ZFAND3: variants seen among roughly 807,000 people sequenced by gnomAD.
ZFAND3 encodes zinc finger AN1-type containing 3.
In ZFAND3, 10 loss-of-function variants were observed where a neutral mutation model predicts 29.6. The ratio of observed to expected loss-of-function variants is 0.34; its 90% CI spans 0.21 to 0.57. The LOEUF is 0.57. ZFAND3 is among the 20% of genes least tolerant of loss of function. The probability of loss-of-function intolerance (pLI) is 0.86; values close to 1 mark genes in which losing one functional copy is unlikely to be tolerated. For missense variants in ZFAND3, 230 were observed against 304.5 expected, an observed-to-expected ratio of 0.76 and a Z score of 1.82; for synonymous variants, 128 against 112.6, an observed-to-expected ratio of 1.14 and a Z score of -0.87.
intron 4 of ZFAND3, among the ~76,000 whole-genome samples, chr6:38,099,646 A>G (rs1333826198): frequency 6.6e-6 from 1 of 152,238 alleles, no homozygotes; most frequent in African/African-American, 2.4e-5. Flanking sequence ...AAGCAAGAAA[A>G]TAGGGCATTT....
intron 1 of ZFAND3, among the ~76,000 whole-genome samples, chr6:37,820,636 A>T (rs140784315): frequency 4.6e-5 from 7 of 152,350 alleles, no homozygotes; most frequent in Non-Finnish European, 7.3e-5. Flanking sequence ...TTCAGGAGAT[A>T]TGTAAAATTT....
At chr6:38,119,248 G>A (rs1326329254) in intron 5 of ZFAND3, among the ~76,000 whole-genome samples, 1 of 152,070 alleles carries the variant, frequency 6.6e-6, no homozygotes, top group Non-Finnish European at 1.5e-5. Context: ...GATCTCTCTA[G>A]GAAAGGGTGA....
In ZFAND3 at chr6:37,927,477, A is replaced by G. The variant is rs541253738; in HGVS notation, c.72-2482A>G. On this transcript the variant is annotated intron_variant, in intron 1 of 5. Transcript: ENST00000287218. Reference sequence around the variant, plus strand: ...GATGAGAGGGGAGGGGACAATCCCAATATTCCAACAATAGAGAATGTTCTG... The same window carrying G: ...GATGAGAGGGGAGGGGACAATCCCAGTATTCCAACAATAGAGAATGTTCTG... Among the ~76,000 whole-genome samples the G allele has an allele frequency of 3.3e-5, 5 of 152,340 alleles. No homozygotes were observed. The East Asian group carries it at 9.6e-4, about 29-fold the overall frequency.
chr6:38,132,023 C>G (rs1280162452), intron 5 of ZFAND3, among the ~76,000 whole-genome samples: 1 of 152,196 alleles, frequency 6.6e-6, no homozygotes, highest in East Asian at 1.9e-4. Context: ...GTTTCCCCCC[C>G]ACCAATTTTT....
chr6:37,848,755 G>A (rs977276493), intron 1 of ZFAND3, among the ~76,000 whole-genome samples: 2 of 151,952 alleles, frequency 1.3e-5, no homozygotes, highest in Non-Finnish European at 2.9e-5. Flanking sequence ...AACTTGGGAG[G>A]GTTGTGTTTG....
Position 37,983,461 on chromosome 6 carries a change from A to G in ZFAND3, c.112+53462A>G, listed in dbSNP as rs184544077. Among the ~76,000 whole-genome samples the G allele has an allele frequency of 3.1e-3, 414 of 131,510 alleles. 4 individuals are homozygous for G. The Admixed American group carries it at 0.034, about 11-fold the overall frequency. The allele number at this position is 131,510 out of a possible 152,430, so 86.3% of individuals were successfully genotyped here. A position where few individuals can be genotyped will look rare whatever the true frequency, so the allele number is the denominator to read the frequency against. On this transcript the variant is annotated intron_variant, in intron 2 of 5. Transcript: ENST00000287218. Reference sequence around the variant, plus strand: ...AACCACTGCCTCCCGGGTTCAAGCTATTCTCCTCCTGCCTCAGCCTCCCAG... The same window carrying G: ...AACCACTGCCTCCCGGGTTCAAGCTGTTCTCCTCCTGCCTCAGCCTCCCAG...
chr6:37,981,815 T>G (rs2127432564), intron 2 of ZFAND3, among the ~76,000 whole-genome samples: 1 of 152,262 alleles, frequency 6.6e-6, no homozygotes, highest in African/African-American at 2.4e-5. Context: ...TACAAAGCCT[T>G]GGAAGGTCCT....
At chr6:37,913,850 A>G (rs1003360781) in intron 1 of ZFAND3, among the ~76,000 whole-genome samples, 2 of 151,570 alleles carry the variant, frequency 1.3e-5, no homozygotes, top group Admixed American at 6.6e-5. Context: ...AGCTGGGACT[A>G]TAGGCACAGG....
intron 2 of ZFAND3, among the ~76,000 whole-genome samples, chr6:38,020,806 T>C (rs1763335577): frequency 6.6e-6 from 1 of 152,176 alleles, no homozygotes; most frequent in Non-Finnish European, 1.5e-5. Flanking sequence ...TGCCAGGATA[T>C]GTCCACTACT....
intron 2 of ZFAND3, among the ~76,000 whole-genome samples, chr6:37,995,367 G>A (rs1251412280): frequency 6.6e-6 from 1 of 152,198 alleles, no homozygotes; most frequent in Non-Finnish European, 1.5e-5. Flanking sequence ...GTTGTCTTCA[G>A]CAACCTAAGG....
chr6:37,820,080 G>C, intron 1 of ZFAND3, 64 bp downstream of exon 1: 12 of 1,179,488 alleles, frequency 1.0e-5, no homozygotes, highest in Non-Finnish European at 1.3e-5. Flanking sequence ...AGGGCAGCCT[G>C]GGCAGGCCTC....
At chr6:38,104,242 A>C (rs1765164410) in intron 4 of ZFAND3, among the ~76,000 whole-genome samples, 1 of 152,146 alleles carries the variant, frequency 6.6e-6, no homozygotes, top group Non-Finnish European at 1.5e-5. Context: ...TTTTTCAATG[A>C]ACCCATCCTC....
At chr6:38,146,174 A>T (rs1766103422) in intron 5 of ZFAND3, among the ~76,000 whole-genome samples, 1 of 152,016 alleles carries the variant, frequency 6.6e-6, no homozygotes, top group South Asian at 2.1e-4. Flanking sequence ...CCCCCTCGCG[A>T]TGCTGTCTGC....
intron 2 of ZFAND3, among the ~76,000 whole-genome samples, chr6:38,024,285 A>T (rs1245367626): frequency 6.6e-6 from 1 of 151,918 alleles, no homozygotes; most frequent in African/African-American, 2.4e-5. Context: ...ATCCTGGCTA[A>T]CATGGTGAAA....
At chr6:38,148,707 C>G (rs1766158929) in intron 5 of ZFAND3, among the ~76,000 whole-genome samples, 1 of 152,176 alleles carries the variant, frequency 6.6e-6, no homozygotes, top group East Asian at 1.9e-4. Context: ...GATAAAGATT[C>G]ATCCCATCCA....
intron 1 of ZFAND3, among the ~76,000 whole-genome samples, chr6:37,853,330 G>A (rs1419132796): frequency 6.8e-6 from 1 of 147,620 alleles, no homozygotes; most frequent in East Asian, 2.0e-4. Flanking sequence ...GATCCCAGGA[G>A]CACAAACTTA....
chr6:37,840,103 AT>A (rs200573304), intron 1 of ZFAND3, among the ~76,000 whole-genome samples: 39 of 144,724 alleles, frequency 2.7e-4, no homozygotes, highest in Non-Finnish European at 2.4e-4. Context: ...TTGGTTATCT[AT>A]TTTTTTTTTT....
At chr6:38,080,588 A>G (rs559923941) in intron 3 of ZFAND3, among the ~76,000 whole-genome samples, 6 of 152,236 alleles carry the variant, frequency 3.9e-5, no homozygotes, top group African/African-American at 1.4e-4. Flanking sequence ...TTGTTTTGTT[A>G]AAGAAACCGA....
chr6:38,096,195 CAG>C (rs1764975736), intron 4 of ZFAND3, among the ~76,000 whole-genome samples: 1 of 151,536 alleles, frequency 6.6e-6, no homozygotes, highest in African/African-American at 2.4e-5. Flanking sequence ...CCCCCCGAGA[CAG>C]AGTCTTGCTG....
Sources: allele counts gnomAD v4.1 joint callset (sites outside exome capture counted in the v4.1 genomes callset), GRCh38; gene constraint gnomAD v4.1.1; transcripts MANE v1.5; gene names NCBI Gene and HGNC (gene_info 2026-07-23, HGNC 2026-07-21).